TTN: variants seen among roughly 807,000 people sequenced by gnomAD.
TTN encodes titin.
In TTN, 1,525 loss-of-function variants were observed where a neutral mutation model predicts 3,223.0. That is an observed-to-expected ratio of 0.47 (90% CI 0.45 to 0.49). The LOEUF is 0.49. Among genes scored for constraint, TTN ranks in the 20% least tolerant of loss-of-function variants. The pLI, the probability that TTN is intolerant of heterozygous loss-of-function variation, is 0.00. For synonymous variants in TTN, 14,094 were observed against 15,161.0 expected (o/e 0.93, Z 5.17); for missense variants, 40,786 against 43,424.0 (o/e 0.94, Z 5.40).
At chr2:178,788,180 T>C (rs115542895) in intron 13 of TTN, among the ~76,000 whole-genome samples, 2,338 of 152,168 alleles carry the variant, frequency 0.015, 61 homozygotes, top group African/African-American at 0.053. Flanking sequence ...TAGCATCAGT[T>C]TTCATCTCTT....
At position 178,530,287 on chromosome 2, in the gene TTN, G is replaced by C; in HGVS notation, c.106328C>G (p.Ala35443Gly). Reference protein sequence around the residue: ...SDSVAKFAVKATGEPRPTAIW... With the variant: ...SDSVAKFAVKGTGEPRPTAIW... ...GGCAGTTGGCCGGGGTTCTCCAGTAGCCTTAACTGCAAATTTAGCAACACT... is the reference window on the plus strand; with the variant it reads ...GGCAGTTGGCCGGGGTTCTCCAGTACCCTTAACTGCAAATTTAGCAACACT... Residue 35443 changes from alanine to glycine, a missense_variant, in exon 358 of 363, where the codon GCT (alanine) becomes GGT (glycine). Physicochemically the swap from Ala to Gly is moderately conservative, Grantham distance 60. Coordinates refer to ENST00000589042, the MANE Select transcript of TTN (RefSeq NM_001267550.2). 3 of 1,613,154 alleles carry C rather than the reference G, an allele frequency of 1.9e-6. No homozygotes were observed. The highest frequency in any genetic ancestry group is 2.5e-6 in the Non-Finnish European group (3 of 1,179,242).
chr2:178,601,159 G>A lies in TTN; in HGVS notation c.55745C>T (p.Pro18582Leu), dbSNP rs201194435. Residue 18582 changes from proline to leucine, a missense_variant, in exon 288 of 363, where the codon CCT becomes CTT. Pro to Leu is a moderately conservative substitution (Grantham distance 98). Coordinates refer to ENST00000589042, the MANE Select transcript of TTN (RefSeq NM_001267550.2). ...GAGGCCAATCTTGAGTTTAATAGGA[G>A]GATCAGGAGGATCTGTAAAAATAAT... The part of the protein sequence containing the change: ...TARDPIYPPD[P>L]PIKLKIGLIT... The A allele has an allele frequency of 6.7e-5, 102 of 1,528,298 alleles. No individual in the cohort carries two copies. Among genetic ancestry groups the A allele is most frequent in the Non-Finnish European group, 8.1e-5 (92 of 1,142,214 alleles). 94.7% of individuals were successfully genotyped at this position (1,528,298 alleles called of 1,614,324 possible).
chr2:178,539,954 T>TAATC lies in TTN; in HGVS notation c.98107_98110dup (p.Tyr32704Ter). 1 of 1,612,920 alleles carries TAATC rather than the reference T, an allele frequency of 6.2e-7. No individual in the cohort carries two copies. The highest frequency in any genetic ancestry group is 8.5e-7 in the Non-Finnish European group (1 of 1,179,150). On this transcript the variant is annotated stop_gained and frameshift_variant, in exon 352 of 363. Coordinates refer to ENST00000589042, the MANE Select transcript of TTN (RefSeq NM_001267550.2). LOFTEE classifies it high-confidence loss of function. ...TTCTTGGTATCTTTCATCAAGTTCA[T>TAATC]AATCAGGATATTCTGGAAAAAAAGG...
At position 178,722,850 on chromosome 2, in the gene TTN, G is replaced by T. The variant is rs1467666220; in HGVS notation, c.22049C>A (p.Pro7350Gln). Residue 7350 changes from proline (P) to glutamine (Q), a missense_variant, in exon 76 of 363, where the codon CCA becomes CAA. Transcript: ENST00000589042. The part of the protein sequence containing the change: ...VSLQCQVAGT[P>Q]EITVSWYKGD... The stretch of plus-strand genomic sequence containing the variant: ...TTTGTACCAAGACACTGTAATTTCT[G>T]GTGTCCCAGCAACTTGGCATTGTAA... 1.2e-6 allele frequency: 2 copies of T among 1,612,994 alleles called. No individual in the cohort carries two copies. Among genetic ancestry groups the T allele is most frequent in the Non-Finnish European group, 1.7e-6 (2 of 1,179,482 alleles).
Position 178,580,567 on chromosome 2 carries a change from A to C in TTN, c.66812T>G (p.Leu22271Arg). 6.2e-7 allele frequency: 1 copy of C among 1,612,300 alleles called. No individual in the cohort carries two copies. The highest frequency in any genetic ancestry group is 8.5e-7 in the Non-Finnish European group (1 of 1,179,154). ...CATAGTAACTCCAGCACGTAATATG[A>C]GTGTCTTCCTTAAGTCCGCATCAAG... ...GELDADLRKT[L>R]ILRAGVTMRL... Residue 22271 changes from leucine to arginine, a missense_variant, in exon 317 of 363, where the codon CTC becomes CGC. Physicochemically the swap from Leu to Arg is moderately radical, Grantham distance 102 (BLOSUM62 -2). Coordinates refer to ENST00000589042, the MANE Select transcript of TTN (RefSeq NM_001267550.2).
rs727503643 is a variant in TTN, at chr2:178,713,119, A to G, written c.27015T>C (p.Gly9005=). ...TCAAAGGAGCACTACATTCATCAGA[A>G]CCAGCCATATTAGTAGCTATACATG... ...DYTCIATNMA[G]SDECSAPLTV... The change falls in exon 93 of 363, where the codon GGT becomes GGC. Residue 9005 remains glycine (G), a synonymous_variant. Coordinates refer to ENST00000589042, the MANE Select transcript of TTN (RefSeq NM_001267550.2). 36 of 1,610,688 alleles carry G rather than the reference A, an allele frequency of 2.2e-5. No individual in the cohort carries two copies. The highest frequency in any genetic ancestry group is 3.0e-5 in the Non-Finnish European group (35 of 1,179,072).
At position 178,554,156 on chromosome 2, in the gene TTN, A is replaced by G. The variant is rs748609330; in HGVS notation, c.88955T>C (p.Val29652Ala). Residue 29652 changes from valine to alanine, a missense_variant, in exon 333 of 363, where the codon GTT becomes GCT. Physicochemically the swap from Val to Ala is moderately conservative, Grantham distance 64. Transcript: ENST00000589042. ...VTKITKNSMT[V>A]VWSRPIADGG... ...ATCTGCAATTGGCCTGCTCCATACA[A>G]CAGTCATCGAATTCTTGGTAATCTT... 1.1e-5 allele frequency: 17 copies of G among 1,611,448 alleles called. No homozygotes were observed. The highest frequency in any genetic ancestry group is 1.4e-5 in the Non-Finnish European group (17 of 1,179,236).
In TTN at chr2:178,531,962, G is replaced by A. The variant is rs1057518003; in HGVS notation, c.104653C>T (p.Arg34885Ter). ...RSPTPERTRP[R>*]SPSPVSSERS... ...TCACTAGACACAGGGCTGGGGGATCGTGGGCGAGTTCTCTCTGGAGTAGGT... is the reference window on the plus strand; with the variant it reads ...TCACTAGACACAGGGCTGGGGGATCATGGGCGAGTTCTCTCTGGAGTAGGT... The change falls in exon 358 of 363, where the codon CGA (arginine) becomes TGA (stop). Residue 34885 changes from arginine to a stop codon, truncating the protein, a stop_gained. Transcript: ENST00000589042. LOFTEE classifies it high-confidence loss of function. 4.3e-6 allele frequency: 7 copies of A among 1,613,600 alleles called. No homozygotes were observed. The highest frequency in any genetic ancestry group is 4.5e-5 in the East Asian group (2 of 44,838).
intron 278 of TTN, 95 bp downstream of exon 278, chr2:178,606,926 G>A (rs1378525860): frequency 7.3e-7 from 1 of 1,377,772 alleles, no homozygotes; most frequent in East Asian, 2.4e-5. Context: ...TATAGATTTT[G>A]AGACTGTTGG....
chr2:178,562,106 A>C lies in TTN; in HGVS notation c.84026T>G (p.Val28009Gly), dbSNP rs1337839201. The C allele has an allele frequency of 6.2e-7, 1 of 1,613,066 alleles. No homozygotes were observed. Among genetic ancestry groups the C allele is most frequent in the Non-Finnish European group, 8.5e-7 (1 of 1,179,558 alleles). The change falls in exon 326 of 363, where the codon GTC becomes GGC. Residue 28009 changes from valine (V) to glycine (G), a missense_variant. Coordinates refer to ENST00000589042, the MANE Select transcript of TTN (RefSeq NM_001267550.2). Reference sequence around the variant, plus strand: ...TACAGTCTTTGAAGAAGAAACATTGACTCTAGTTGTCTCTTTAAGAGTCTG... The same window carrying C: ...TACAGTCTTTGAAGAAGAAACATTGCCTCTAGTTGTCTCTTTAAGAGTCTG... ...DGQTLKETTR[V>G]NVSSSKTVTS... is the part of the protein sequence containing the mutation.
Position 178,574,184 on chromosome 2 carries a change from T to C in TTN, c.71948A>G (p.Glu23983Gly), listed in dbSNP as rs1299777918. Residue 23983 changes from glutamate to glycine, a missense_variant, in exon 326 of 363, where the codon GAA becomes GGA. By Grantham distance (98) the Glu-to-Gly change is moderately conservative. Coordinates refer to ENST00000589042, the MANE Select transcript of TTN (RefSeq NM_001267550.2). ...TTCTGTTAGGCCACTGACTGTAAAT[T>C]CATTCTCCAAAATGTTGCTGAAGTT... ...KANFSNILEN[E>G]FTVSGLTEDA... The C allele has an allele frequency of 3.1e-6, 5 of 1,613,430 alleles. No individual in the cohort carries two copies. Among genetic ancestry groups the C allele is most frequent in the Non-Finnish European group, 4.2e-6 (5 of 1,179,638 alleles).
At chr2:178,696,511 A>T (rs945630773) in intron 113 of TTN, among the ~76,000 whole-genome samples, 7 of 151,912 alleles carry the variant, frequency 4.6e-5, no homozygotes, top group Admixed American at 3.9e-4. Flanking sequence ...AATAAATATT[A>T]TCAAATGGAC....
intron 13 of TTN, among the ~76,000 whole-genome samples, chr2:178,787,718 A>T (rs1231672950): frequency 6.6e-6 from 1 of 152,094 alleles, no homozygotes; most frequent in African/African-American, 2.4e-5. Context: ...CATATGGAAA[A>T]ATCTTAATCA....
At position 178,612,442 on chromosome 2, in the gene TTN, G is replaced by T. The variant is rs751502842; in HGVS notation, c.50083C>A (p.Arg16695=). 1.4e-4 allele frequency: 230 copies of T among 1,612,276 alleles called. No homozygotes were observed. Among genetic ancestry groups the T allele is most frequent in the Non-Finnish European group, 1.9e-4 (223 of 1,179,186 alleles). ...GTATCCACTGTTTGCCAGCCTTTTC[G>T]CCTGACGTCTCTCTTTTCCACAATG... ...NYIVEKRDVR[R]KGWQTVDTTV... The change falls in exon 266 of 363, where the codon CGA becomes AGA. Residue 16695 remains arginine (R), a synonymous_variant. Coordinates refer to ENST00000589042, the MANE Select transcript of TTN (RefSeq NM_001267550.2).
rs948836784 is a variant in TTN, at chr2:178,534,023, C to T, written c.102592G>A (p.Asp34198Asn). ...EDGVAILYVK[D>N]ITKLDDGTYR... is the part of the protein sequence containing the mutation. ...GTACCATCATCTAATTTGGTAATGTCTTTGACATAGAGGATGGCCACTCCA... is the reference window on the plus strand; with the variant it reads ...GTACCATCATCTAATTTGGTAATGTTTTTGACATAGAGGATGGCCACTCCA... The change falls in exon 358 of 363, where the codon GAC (aspartate) becomes AAC (asparagine). Residue 34198 changes from aspartate (D) to asparagine (N), a missense_variant. Transcript: ENST00000589042. 2 of 1,613,946 alleles carry T rather than the reference C, an allele frequency of 1.2e-6. No homozygotes were observed. The highest frequency in any genetic ancestry group is 1.7e-6 in the Non-Finnish European group (2 of 1,179,870).
Position 178,584,412 on chromosome 2 carries a change from A to G in TTN, c.65139T>C (p.Leu21713=), listed in dbSNP as rs959702630. ...SLLWVKANDT[L]VRSTEYPCAG... ...CACAAGGATATTCAGTTGACCGGAC[A>G]AGAGTATCATTGGCTTTCACCCACA... is the stretch of plus-strand genomic sequence containing the variant. The change falls in exon 311 of 363, where the codon CTT becomes CTC. Residue 21713 remains leucine (L), a synonymous_variant. Transcript: ENST00000589042. 1.2e-6 allele frequency: 2 copies of G among 1,613,258 alleles called. No individual in the cohort carries two copies. Among genetic ancestry groups the G allele is most frequent in the Non-Finnish European group, 1.7e-6 (2 of 1,179,532 alleles).
intron 337 of TTN, 25 bp downstream of exon 337, chr2:178,549,961 C>A (rs1698677735): frequency 6.3e-7 from 1 of 1,581,662 alleles, no homozygotes; most frequent in Non-Finnish European, 8.6e-7. Flanking sequence ...TAAATTGTAG[C>A]ATTAAGAAGC....
chr2:178,714,037 T>C lies in TTN; in HGVS notation c.26621A>G (p.Asn8874Ser), dbSNP rs1222843561. Residue 8874 changes from asparagine to serine, a missense_variant, in exon 92 of 363, where the codon AAC (asparagine) becomes AGC (serine). Asn to Ser is a conservative substitution (Grantham distance 46, BLOSUM62 1). Transcript: ENST00000589042. ...FKDGKELTSD[N>S]KYKISFFNKV... The stretch of plus-strand genomic sequence containing the variant: ...GTTGAAGAAGCTTATTTTGTATTTG[T>C]TGTCACTTGTTAGCTCTTTTCCATC... 1 of 1,613,620 alleles carries C rather than the reference T, an allele frequency of 6.2e-7. No homozygotes were observed.
In TTN at chr2:178,695,969, T is replaced by C. The variant is rs1170888224; in HGVS notation, c.31103A>G (p.Gln10368Arg). 4 of 1,545,368 alleles carry C rather than the reference T, an allele frequency of 2.6e-6. No homozygotes were observed. Among genetic ancestry groups the C allele is most frequent in the Non-Finnish European group, 2.6e-6 (3 of 1,144,666 alleles). ...GCCTTCTTCCCTTTCATAGTATTCT[T>C]GCCCTTCTTCAAAATCTTCTTCCCA... ...EEWEEDFEEG[Q>R]EYYEREEGYD... The change falls in exon 114 of 363, where the codon CAA becomes CGA. Residue 10368 changes from glutamine to arginine, a missense_variant. By Grantham distance (43) the Gln-to-Arg change is conservative. Transcript: ENST00000589042.
Sources: allele counts gnomAD v4.1 joint callset (sites outside exome capture counted in the v4.1 genomes callset), GRCh38; gene constraint gnomAD v4.1.1; transcripts MANE v1.5; gene names NCBI Gene and HGNC (gene_info 2026-07-23, HGNC 2026-07-21).